The following KCNIP4 variants were observed in gnomAD, a reference collection of about 807,000 sequenced individuals.
KCNIP4 encodes Kv channel-interacting protein 4.
In KCNIP4, 12 loss-of-function variants were observed where a neutral mutation model predicts 34.0. The observed-to-expected ratio is 0.35, with a 90% CI of 0.23 to 0.57. The LOEUF (loss-of-function observed/expected upper bound fraction) is 0.57. Ranked by LOEUF, KCNIP4 falls within the 20% of genes least tolerant of loss-of-function variation. The probability of loss-of-function intolerance (pLI) is 0.83; values close to 1 mark genes in which losing one functional copy is unlikely to be tolerated. For missense variants in KCNIP4, 238 were observed against 311.7 expected (o/e 0.76, Z 1.78); for synonymous variants, 124 against 102.2 (o/e 1.21, Z -1.29).
intron 1 of KCNIP4, among the ~76,000 whole-genome samples, chr4:21,080,725 T>C (rs1745931748): frequency 6.6e-6 from 1 of 151,888 alleles, no homozygotes; most frequent in African/African-American, 2.4e-5. Context: ...ATTTACTTTA[T>C]TTATTCTAAT....
intron 1 of KCNIP4, among the ~76,000 whole-genome samples, chr4:21,394,111 A>G (rs1722774156): frequency 1.3e-5 from 2 of 152,338 alleles, no homozygotes; most frequent in South Asian, 4.1e-4. Context: ...TTATGAACCT[A>G]TAGAATGTTT....
At chr4:21,387,943 T>C (rs1430999573) in intron 1 of KCNIP4, among the ~76,000 whole-genome samples, 2 of 152,164 alleles carry the variant, frequency 1.3e-5, no homozygotes, top group Non-Finnish European at 2.9e-5. Flanking sequence ...GCTTGCATAA[T>C]GGACGTCAGG....
intron 1 of KCNIP4, among the ~76,000 whole-genome samples, chr4:21,294,645 C>T (rs1289949833): frequency 6.6e-6 from 1 of 152,060 alleles, no homozygotes; most frequent in African/African-American, 2.4e-5. Flanking sequence ...ATAATGATCA[C>T]TCTATTATAG....
intron 3 of KCNIP4, among the ~76,000 whole-genome samples, chr4:20,812,998 T>G (rs1369036289): frequency 1.3e-5 from 2 of 152,088 alleles, no homozygotes; most frequent in African/African-American, 2.4e-5. Context: ...CTTGTTTAAA[T>G]CACAACTATT....
intron 1 of KCNIP4, chr4:20,984,027 G>C: frequency 6.7e-7 from 1 of 1,488,192 alleles, no homozygotes; most frequent in Non-Finnish European, 8.9e-7. Flanking sequence ...AGACTTGCAA[G>C]GGGAAAAAGT....
intron 1 of KCNIP4, among the ~76,000 whole-genome samples, chr4:20,991,460 G>T (rs992913530): frequency 2.0e-4 from 30 of 152,098 alleles, no homozygotes; most frequent in African/African-American, 7.0e-4. Flanking sequence ...AAATGAGAAA[G>T]AGAAGAAACA....
intron 1 of KCNIP4, among the ~76,000 whole-genome samples, chr4:21,145,424 T>A (rs576099586): frequency 5.2e-4 from 79 of 152,292 alleles, no homozygotes; most frequent in African/African-American, 1.9e-3. Flanking sequence ...CCTGAGGACA[T>A]CTGTATTTTT....
chr4:21,486,872 TC>T (rs1731968893), intron 1 of KCNIP4, among the ~76,000 whole-genome samples: 1 of 151,218 alleles, frequency 6.6e-6, no homozygotes, highest in Non-Finnish European at 1.5e-5. Context: ...AGGTGTGATC[TC>T]GGCTCACTGC....
At chr4:21,421,539 A>G (rs1725452736) in intron 1 of KCNIP4, among the ~76,000 whole-genome samples, 2 of 152,214 alleles carry the variant, frequency 1.3e-5, no homozygotes, top group African/African-American at 4.8e-5. Context: ...CAAATACTGC[A>G]TGATCTCACT....
At chr4:21,490,193 G>A (rs768269258) in intron 1 of KCNIP4, among the ~76,000 whole-genome samples, 7 of 151,900 alleles carry the variant, frequency 4.6e-5, no homozygotes, top group Non-Finnish European at 8.8e-5. Flanking sequence ...TTATAGGTTG[G>A]GAACATTGGG....
intron 1 of KCNIP4, among the ~76,000 whole-genome samples, chr4:21,306,886 G>A (rs1414926834): frequency 6.6e-6 from 1 of 151,698 alleles, no homozygotes. Flanking sequence ...AATGGTGAGC[G>A]ATCTCGGCTC....
rs116266659 is a variant in KCNIP4 at position 20,961,886 on chromosome 4, A to C, written c.62-79177T>G. ...ATTAGAAGTGAGTTTATAATGAACA[A>C]TGCTCATGTGCATTAACTCATAATA... On this transcript the variant is annotated intron_variant, in intron 1 of 8. Transcript: ENST00000382152. Among the ~76,000 whole-genome samples, 1,102 of 152,290 alleles carry C rather than the reference A, an allele frequency of 7.2e-3. 15 individuals carry two copies. Among genetic ancestry groups the C allele is most frequent in the African/African-American group, 0.026 (1,065 of 41,560 alleles).
chr4:20,865,597 A>T (rs191462308), intron 2 of KCNIP4, among the ~76,000 whole-genome samples: 270 of 152,202 alleles, frequency 1.8e-3, no homozygotes, highest in African/African-American at 6.1e-3. Flanking sequence ...TAAGTGAAAT[A>T]AGCAAAACGC....
chr4:21,228,557 C>G (rs1009585403), intron 1 of KCNIP4, among the ~76,000 whole-genome samples: 4 of 152,200 alleles, frequency 2.6e-5, no homozygotes, highest in Non-Finnish European at 5.9e-5. Flanking sequence ...AAATAAAATG[C>G]TGTTGAAACA....
Position 21,320,958 on chromosome 4 carries a change from C to G in KCNIP4, c.62-438249G>C, listed in dbSNP as rs569158388. The stretch of plus-strand genomic sequence containing the variant: ...CAAGCCTGGGCAATAGAGCAAGAAT[C>G]TGTCTTAAAAAAAAAAAAAAAAAAG... On this transcript the variant is annotated intron_variant, in intron 1 of 8. Coordinates refer to ENST00000382152, the MANE Select transcript of KCNIP4 (RefSeq NM_025221.6). 5.2e-5 allele frequency among the ~76,000 whole-genome samples: 4 copies of G among 77,372 alleles called. No individual in the cohort carries two copies. The East Asian group carries it at 1.4e-3, about 28-fold the overall frequency. 50.8% of individuals were successfully genotyped at this position (77,372 alleles called of 152,430 possible).
intron 1 of KCNIP4, among the ~76,000 whole-genome samples, chr4:21,671,099 T>A (rs1173716113): frequency 6.6e-6 from 1 of 152,074 alleles, no homozygotes; most frequent in Non-Finnish European, 1.5e-5. Context: ...ATATTCAGAG[T>A]TGACTGAGCA....
intron 1 of KCNIP4, among the ~76,000 whole-genome samples, chr4:21,760,636 G>A (rs112895054): frequency 2.3e-4 from 35 of 151,668 alleles, no homozygotes; most frequent in African/African-American, 8.5e-4. Flanking sequence ...GTAGCTCCAT[G>A]GCTGTTTTCT....
chr4:20,916,921 C>T (rs1728866968), intron 1 of KCNIP4, among the ~76,000 whole-genome samples: 1 of 146,216 alleles, frequency 6.8e-6, no homozygotes, highest in Non-Finnish European at 1.5e-5. Context: ...CTTACCTCCC[C>T]TCCTGTCCTT....
chr4:20,838,335 G>T (rs1176550893), intron 3 of KCNIP4, among the ~76,000 whole-genome samples: 2 of 152,178 alleles, frequency 1.3e-5, no homozygotes, highest in Non-Finnish European at 2.9e-5. Flanking sequence ...ACAAAAAAAT[G>T]TCTTAGAAGG....
Sources: allele counts gnomAD v4.1 joint callset (sites outside exome capture counted in the v4.1 genomes callset), GRCh38; gene constraint gnomAD v4.1.1; transcripts MANE v1.5; gene names NCBI Gene and HGNC (gene_info 2026-07-23, HGNC 2026-07-21).